TBC1D19: variants seen among roughly 807,000 people sequenced by gnomAD.
The protein encoded by TBC1D19 is TBC1 domain family, member 19.
TBC1D19 carries 60 observed loss-of-function variants against 89.0 expected under a neutral mutation model. That is an observed-to-expected ratio of 0.67 (90% CI 0.55 to 0.84). The LOEUF (loss-of-function observed/expected upper bound fraction) is 0.84. Among genes scored for constraint, TBC1D19 ranks in the 40% least tolerant of loss-of-function variants. TBC1D19 has a pLI of 0.00. For synonymous variants in TBC1D19, 189 were observed against 199.7 expected, an observed-to-expected ratio of 0.95 and a Z score of 0.45; for missense variants, 500 against 610.8, an observed-to-expected ratio of 0.82 and a Z score of 1.91.
chr4:26,643,788 A>C (rs1003008318), intron 7 of TBC1D19, among the ~76,000 whole-genome samples: 7 of 152,228 alleles, frequency 4.6e-5, no homozygotes, highest in African/African-American at 1.7e-4. Flanking sequence ...ATCAGAGAAT[A>C]CTATAAACAC....
In TBC1D19 at chr4:26,620,528, C is replaced by A. The variant is rs576767656; in HGVS notation, c.219-85C>A. On this transcript the variant is annotated intron_variant, in intron 3 of 20. Transcript: ENST00000264866. ...ATAAAATGAAATGTTACTGGGAAAACAGTTTATAACATGGACTACAGAGGT... is the reference window on the plus strand; with the variant it reads ...ATAAAATGAAATGTTACTGGGAAAAAAGTTTATAACATGGACTACAGAGGT... 11 of 1,078,016 alleles carry A rather than the reference C, an allele frequency of 1.0e-5. No homozygotes were observed. The South Asian group carries it at 1.5e-4, about 15-fold the overall frequency. 66.8% of individuals were successfully genotyped at this position (1,078,016 alleles called of 1,614,324 possible).
At chr4:26,804,092 C>CAA in the TBC1D19 span, among the ~76,000 whole-genome samples, 40 of 138,658 alleles carry the variant, frequency 2.9e-4, 1 homozygote, top group African/African-American at 9.8e-4. Context: ...GAAACAGAAA[C>CAA]AAAAAAAAAA....
At chr4:26,654,566 TTGAC>T (rs2109057082) in intron 7 of TBC1D19, among the ~76,000 whole-genome samples, 1 of 152,290 alleles carries the variant, frequency 6.6e-6, no homozygotes, top group African/African-American at 2.4e-5. Context: ...GGAGGCTTTG[TTGAC>T]ATTTCTTTTC....
chr4:26,638,712 G>T, intron 5 of TBC1D19, 59 bp from the exon 6 acceptor site: 1 of 1,280,476 alleles, frequency 7.8e-7, no homozygotes, highest in Non-Finnish European at 1.1e-6. Context: ...CTTGTTTTTA[G>T]TTGTATTGCT....
rs1719253280 is a variant in TBC1D19, at chr4:26,756,142, T to A, written c.*1195T>A. Among the ~76,000 whole-genome samples, 1 of 152,242 alleles carries A rather than the reference T, an allele frequency of 6.6e-6. No individual in the cohort carries two copies. Among genetic ancestry groups the A allele is most frequent in the Non-Finnish European group, 1.5e-5 (1 of 68,044 alleles). ...TGGCAGTATGTATTAGGAAAAATGCTTGTTGATTTACTAAGAGCTGAATAA... is the reference window on the plus strand; with the variant it reads ...TGGCAGTATGTATTAGGAAAAATGCATGTTGATTTACTAAGAGCTGAATAA... On this transcript the variant is annotated 3_prime_UTR_variant, in exon 21 of 21. Coordinates refer to ENST00000264866, the MANE Select transcript of TBC1D19 (RefSeq NM_018317.4).
chr4:26,741,382 A>T (rs1176331059), intron 17 of TBC1D19, among the ~76,000 whole-genome samples: 11 of 151,482 alleles, frequency 7.3e-5, no homozygotes, highest in African/African-American at 2.2e-4. Context: ...AAAAAAAAAA[A>T]AAAAGATTAA....
the TBC1D19 span, among the ~76,000 whole-genome samples, chr4:26,769,377 C>G: frequency 6.6e-6 from 1 of 151,696 alleles, no homozygotes; most frequent in African/African-American, 2.4e-5. Flanking sequence ...GAAATAATAA[C>G]CATGTGGGTA....
At chr4:26,676,239 G>A (rs1282378440) in intron 11 of TBC1D19, among the ~76,000 whole-genome samples, 4 of 151,924 alleles carry the variant, frequency 2.6e-5, no homozygotes, top group Non-Finnish European at 4.4e-5. Context: ...TAGTCTTCAC[G>A]GTGCCTGTTT....
chr4:26,701,716 A>G (rs913415150), intron 13 of TBC1D19, among the ~76,000 whole-genome samples: 4 of 152,122 alleles, frequency 2.6e-5, no homozygotes, highest in African/African-American at 9.7e-5. Context: ...TGACTCATAA[A>G]CAGATTAGTT....
chr4:26,805,487 C>G, the TBC1D19 span, among the ~76,000 whole-genome samples: 1 of 152,162 alleles, frequency 6.6e-6, no homozygotes, highest in East Asian at 1.9e-4. Flanking sequence ...TTCCTCAGGC[C>G]GTGCCTCTTG....
At chr4:26,739,168 T>C (rs1004352493) in intron 16 of TBC1D19, among the ~76,000 whole-genome samples, 4 of 152,132 alleles carry the variant, frequency 2.6e-5, no homozygotes, top group African/African-American at 9.7e-5. Context: ...AATCCAAGAT[T>C]AGGACTTTCT....
the TBC1D19 span, among the ~76,000 whole-genome samples, chr4:26,796,286 G>A: frequency 2.0e-5 from 3 of 152,214 alleles, no homozygotes; most frequent in East Asian, 1.9e-4. Context: ...ATTGCCCAGG[G>A]CTTATGCTCT....
chr4:26,692,904 A>G (rs78334502), intron 13 of TBC1D19, among the ~76,000 whole-genome samples: 99 of 152,140 alleles, frequency 6.5e-4, no homozygotes, highest in Non-Finnish European at 9.3e-4. Context: ...GGAACCTAAT[A>G]TCTGGCTGTG....
At chr4:26,637,412 A>G (rs924960613) in intron 5 of TBC1D19, 127 bp downstream of exon 5, 11 of 743,764 alleles carry the variant, frequency 1.5e-5, no homozygotes, top group East Asian at 1.4e-4. Context: ...TTGCTCTGTC[A>G]CCCAGGCTGG....
At chr4:26,833,150 C>T in the TBC1D19 span, among the ~76,000 whole-genome samples, 3 of 152,076 alleles carry the variant, frequency 2.0e-5, no homozygotes, top group East Asian at 1.9e-4. Flanking sequence ...CACAGACAAG[C>T]GAAGAAAGAC....
chr4:26,789,067 G>A, the TBC1D19 span, among the ~76,000 whole-genome samples: 1 of 152,188 alleles, frequency 6.6e-6, no homozygotes, highest in Non-Finnish European at 1.5e-5. Context: ...CTTCAACATA[G>A]TTGTAATGTA....
At chr4:26,688,667 T>C (rs1714025710) in intron 13 of TBC1D19, among the ~76,000 whole-genome samples, 1 of 152,112 alleles carries the variant, frequency 6.6e-6, no homozygotes, top group Non-Finnish European at 1.5e-5. Flanking sequence ...TTTCTATCTT[T>C]GTTATTGGCA....
chr4:26,762,953 T>A, the TBC1D19 span, among the ~76,000 whole-genome samples: 1 of 152,156 alleles, frequency 6.6e-6, no homozygotes, highest in African/African-American at 2.4e-5. Context: ...CCTCCAGAAC[T>A]GTAAGATAAT....
At chr4:26,805,712 C>T in the TBC1D19 span, among the ~76,000 whole-genome samples, 1 of 152,122 alleles carries the variant, frequency 6.6e-6, no homozygotes, top group Admixed American at 6.5e-5. Flanking sequence ...AAGAACAAAT[C>T]AGGCCGGGCA....
Sources: allele counts gnomAD v4.1 joint callset (sites outside exome capture counted in the v4.1 genomes callset), GRCh38; gene constraint gnomAD v4.1.1; transcripts MANE v1.5; gene names NCBI Gene and HGNC (gene_info 2026-07-23, HGNC 2026-07-21).